The following P3H2 variants were observed in gnomAD, a reference collection of about 807,000 sequenced individuals.
P3H2 encodes leprecan-like 1.
P3H2 carries 80 observed loss-of-function variants against 87.0 expected under a neutral mutation model. The observed-to-expected ratio is 0.92, with a 90% CI of 0.77 to 1.11. The LOEUF is 1.11. P3H2 is among the 50% of genes least tolerant of loss of function. The probability of loss-of-function intolerance (pLI) is 0.00; values close to 1 mark genes in which losing one functional copy is unlikely to be tolerated. For missense variants in P3H2, 1,001 were observed against 923.9 expected (o/e 1.08, Z -1.08); for synonymous variants, 367 against 359.3 (o/e 1.02, Z -0.24).
intron 1 of P3H2, among the ~76,000 whole-genome samples, chr3:190,009,076 G>T (rs529875308): frequency 3.4e-4 from 52 of 152,290 alleles, no homozygotes; most frequent in African/African-American, 1.3e-3. Context: ...AGGCAGAGGT[G>T]CTGGGAAGGG....
intron 1 of P3H2, among the ~76,000 whole-genome samples, chr3:190,081,585 T>C (rs1727046966): frequency 6.6e-6 from 1 of 152,186 alleles, no homozygotes; most frequent in Non-Finnish European, 1.5e-5. Flanking sequence ...CTTTCTCCTC[T>C]TCAGGCCTGA....
chr3:190,113,649 T>C (rs1712156823), intron 1 of P3H2, among the ~76,000 whole-genome samples: 1 of 152,250 alleles, frequency 6.6e-6, no homozygotes, highest in African/African-American at 2.4e-5. Flanking sequence ...TGACATTTTA[T>C]CAAGCATTTC....
chr3:189,983,830 CT>C (rs1355135771), intron 7 of P3H2, among the ~76,000 whole-genome samples: 1 of 152,100 alleles, frequency 6.6e-6, no homozygotes, highest in Non-Finnish European at 1.5e-5. Context: ...AATGAATAAG[CT>C]GGACCATGTG....
rs377236809 is a variant in P3H2, at chr3:189,963,996, C to A, written c.1996G>T (p.Ala666Ser). The change falls in exon 14 of 15, where the codon GCT (alanine) becomes TCT (serine). Residue 666 changes from alanine to serine, a missense_variant. Physicochemically the swap from Ala to Ser is moderately conservative, Grantham distance 99. Transcript: ENST00000319332. ...AGTGGGTCCAAGGTGAACCACAGAG[C>A]CACAGCACACCTCTTTCCCTTGGTG... ...AVTKGKRCAV[A>S]LWFTLDPLYR... 6.2e-7 allele frequency: 1 copy of A among 1,614,124 alleles called. No individual in the cohort carries two copies. The highest frequency in any genetic ancestry group is 1.1e-5 in the South Asian group (1 of 91,088).
At position 189,987,557 on chromosome 3, in the gene P3H2, G is replaced by A; in HGVS notation, c.1068C>T (p.Ser356=). The change falls in exon 5 of 15, where the codon AGC becomes AGT. Residue 356 remains serine, a synonymous_variant. Coordinates refer to ENST00000319332, the MANE Select transcript of P3H2 (RefSeq NM_018192.4). The part of the protein sequence containing the change: ...VDYYESLLDD[S]IDPASIEARE... ...TGGCCTCAATGGATGCCGGGTCAAT[G>A]CTATCATCCAGCAGACTCTCATAGT... is the stretch of plus-strand genomic sequence containing the variant. The A allele has an allele frequency of 1.2e-6, 2 of 1,613,746 alleles. No individual in the cohort carries two copies. The highest frequency in any genetic ancestry group is 1.7e-6 in the Non-Finnish European group (2 of 1,179,952).
intron 1 of P3H2, among the ~76,000 whole-genome samples, chr3:190,028,559 A>G (rs1291911677): frequency 6.6e-6 from 1 of 152,196 alleles, no homozygotes; most frequent in Non-Finnish European, 1.5e-5. Flanking sequence ...CACAACTTAG[A>G]CCAATGATCT....
chr3:190,088,900 A>G (rs567941230), intron 1 of P3H2, among the ~76,000 whole-genome samples: 1 of 152,204 alleles, frequency 6.6e-6, no homozygotes, highest in East Asian at 1.9e-4. Context: ...AGCGTGTTCG[A>G]CCCCTACCTA....
intron 1 of P3H2, among the ~76,000 whole-genome samples, chr3:190,057,413 G>A (rs1003567384): frequency 1.1e-4 from 16 of 152,120 alleles, no homozygotes; most frequent in African/African-American, 7.2e-5. Context: ...TCTGAACCCC[G>A]CTGGTTCTGA....
At chr3:189,977,933 CT>C (rs541097042) in intron 8 of P3H2, among the ~76,000 whole-genome samples, 2 of 152,248 alleles carry the variant, frequency 1.3e-5, no homozygotes, top group South Asian at 4.1e-4. Context: ...AAAATCCCCC[CT>C]AAACGTCTTA....
At chr3:190,033,181 G>A (rs999408578) in intron 1 of P3H2, among the ~76,000 whole-genome samples, 5 of 152,316 alleles carry the variant, frequency 3.3e-5, no homozygotes, top group Non-Finnish European at 4.4e-5. Context: ...TAATGCAGGC[G>A]GTGGAGAGCA....
intron 1 of P3H2, among the ~76,000 whole-genome samples, chr3:189,998,978 G>A (rs1368906219): frequency 1.3e-5 from 2 of 152,248 alleles, no homozygotes; most frequent in Non-Finnish European, 2.9e-5. Flanking sequence ...TCTGACAGGA[G>A]ACAGAGCTCA....
At chr3:190,002,726 T>C (rs1226938500) in intron 1 of P3H2, among the ~76,000 whole-genome samples, 1 of 152,204 alleles carries the variant, frequency 6.6e-6, no homozygotes, top group African/African-American at 2.4e-5. Context: ...TGTGTCAAAC[T>C]AAAGCTGGCA....
chr3:190,119,216 AAGCAAAGCAG>A (rs1405099382), intron 1 of P3H2, among the ~76,000 whole-genome samples: 3 of 113,728 alleles, frequency 2.6e-5, no homozygotes, highest in African/African-American at 1.0e-4. Flanking sequence ...GGAGAAAAGA[AAGCAAAGCAG>A]AGCACAGCAG....
At chr3:190,080,364 C>T (rs1009057785) in intron 1 of P3H2, among the ~76,000 whole-genome samples, 10 of 152,020 alleles carry the variant, frequency 6.6e-5, no homozygotes, top group Non-Finnish European at 1.2e-4. Context: ...TTGGCATAGC[C>T]GGGAGAGAAT....
Position 189,971,951 on chromosome 3 carries a change from A to T in P3H2, c.1756T>A (p.Leu586Met), listed in dbSNP as rs569776527. 2.5e-6 allele frequency: 4 copies of T among 1,614,062 alleles called. No individual in the cohort carries two copies. The African/African-American group carries it at 5.3e-5, about 22-fold the overall frequency. The change falls in exon 12 of 15, where the codon TTG (leucine) becomes ATG (methionine). Residue 586 changes from leucine (L) to methionine (M), a missense_variant. By Grantham distance (15) the Leu-to-Met change is conservative. Coordinates refer to ENST00000319332, the MANE Select transcript of P3H2 (RefSeq NM_018192.4). ...SHPIHADNCL[L>M]DPEANECWKE... Reference sequence around the variant, plus strand: ...CAGCATTCGTTGGCCTCTGGATCCAACAAACAGTTGTCAGCATGGATGGGA... The same window carrying T: ...CAGCATTCGTTGGCCTCTGGATCCATCAAACAGTTGTCAGCATGGATGGGA...
chr3:190,030,158 T>C (rs1725209152), intron 1 of P3H2, among the ~76,000 whole-genome samples: 1 of 152,206 alleles, frequency 6.6e-6, no homozygotes, highest in Non-Finnish European at 1.5e-5. Flanking sequence ...TGAGAAAAGA[T>C]AATATCTATA....
At chr3:190,097,962 T>C (rs1008273573) in intron 1 of P3H2, among the ~76,000 whole-genome samples, 3 of 152,184 alleles carry the variant, frequency 2.0e-5, no homozygotes, top group Non-Finnish European at 4.4e-5. Flanking sequence ...AAAAATACTT[T>C]AGGTCACATT....
At chr3:190,007,766 T>C (rs1724431574) in intron 1 of P3H2, among the ~76,000 whole-genome samples, 1 of 151,452 alleles carries the variant, frequency 6.6e-6, no homozygotes. Context: ...TATGATGAAC[T>C]GTAGTAAGAG....
Position 190,022,841 on chromosome 3 carries a change from T to C in P3H2, c.481-27399A>G, listed in dbSNP as rs900056904. ...AAAAATATATATATATATTTCTTTT[T>C]TTTGAGATGGAGTCTCACTCTTTTG... On this transcript the variant is annotated intron_variant, in intron 1 of 14. Coordinates refer to ENST00000319332, the MANE Select transcript of P3H2 (RefSeq NM_018192.4). Among the ~76,000 whole-genome samples the C allele has an allele frequency of 2.6e-5, 4 of 152,168 alleles. 1 individual carries two copies. Among genetic ancestry groups the C allele is most frequent in the African/African-American group, 9.6e-5 (4 of 41,506 alleles).
Sources: allele counts gnomAD v4.1 joint callset (sites outside exome capture counted in the v4.1 genomes callset), GRCh38; gene constraint gnomAD v4.1.1; transcripts MANE v1.5; gene names NCBI Gene and HGNC (gene_info 2026-07-23, HGNC 2026-07-21).